Variants in CPNE1 observed in about 807,000 individuals in gnomAD.
The protein encoded by CPNE1 is copine-1.
A neutral mutation model predicts 63.2 loss-of-function variants in CPNE1; 58 were observed. The ratio of observed to expected loss-of-function variants is 0.92; its 90% CI spans 0.74 to 1.14. The LOEUF (loss-of-function observed/expected upper bound fraction) is 1.14. Ranked by LOEUF, CPNE1 falls within the 50% of genes most tolerant of loss-of-function variation. CPNE1 has a pLI of 0.00. For missense variants in CPNE1, 672 were observed against 661.7 expected (o/e 1.02, Z -0.17); for synonymous variants, 237 against 249.0 (o/e 0.95, Z 0.45).
At chr20:35,644,370 C>T (rs1350658237) in intron 1 of CPNE1, among the ~76,000 whole-genome samples, 1 of 152,184 alleles carries the variant, frequency 6.6e-6, no homozygotes, top group Non-Finnish European at 1.5e-5. Context: ...ATTTCTCAAG[C>T]TGCAGTGTAG....
At chr20:35,663,347 T>C (rs970407400) in intron 1 of CPNE1, among the ~76,000 whole-genome samples, 3 of 152,226 alleles carry the variant, frequency 2.0e-5, no homozygotes, top group African/African-American at 7.2e-5. Flanking sequence ...TATACACTAG[T>C]TAACAAGGTC....
Position 35,631,354 on chromosome 20 carries a change from C to A in CPNE1, c.715G>T (p.Ala239Ser). ...TCAGGGTGGATGCATTCAAACTCAG[C>A]CTGGTGAGGACAGAAAAATTAGGGT... ...TSLAQLQAVP[A>S]EFECIHPEKQ... Residue 239 changes from alanine to serine, a missense_variant and splice_region_variant, in exon 9 of 16, where the codon GCT becomes TCT. Physicochemically the swap from Ala to Ser is moderately conservative, Grantham distance 99. Transcript: ENST00000397443. 6.2e-7 allele frequency: 1 copy of A among 1,614,008 alleles called. No individual in the cohort carries two copies. The highest frequency in any genetic ancestry group is 2.2e-5 in the East Asian group (1 of 44,870).
intron 1 of CPNE1, among the ~76,000 whole-genome samples, chr20:35,656,597 C>T (rs1241595731): frequency 2.0e-5 from 3 of 152,194 alleles, no homozygotes; most frequent in African/African-American, 7.2e-5. Context: ...TGCAACGGCA[C>T]GATCTCGGTT....
chr20:35,654,225 CA>C (rs770844897), intron 1 of CPNE1: 1 of 1,614,222 alleles, frequency 6.2e-7, no homozygotes, highest in Non-Finnish European at 8.5e-7. Context: ...GTTGAATCAT[CA>C]GCATTCTGTT....
intron 1 of CPNE1, chr20:35,658,835 AC>A (rs1568943439): frequency 1.2e-4 from 77 of 655,980 alleles, no homozygotes; most frequent in South Asian, 2.4e-4. Context: ...ACACACACAC[AC>A]ACAATATAGT....
intron 1 of CPNE1, among the ~76,000 whole-genome samples, chr20:35,660,642 G>C (rs183991694): frequency 6.6e-6 from 1 of 152,340 alleles, no homozygotes; most frequent in East Asian, 1.9e-4. Flanking sequence ...CAATGAGCAA[G>C]AGCATGAAGT....
At position 35,654,516 on chromosome 20, in the gene CPNE1, G is replaced by A. The variant is rs774314755; in HGVS notation, c.-1+10244C>T. On this transcript the variant is annotated intron_variant, in intron 1 of 15. Transcript: ENST00000397443. ...CAAGAAACATAGGATTCAGATTATT[G>A]TTCAAATTCATAGGTGCTCCAGAGC... 8.7e-6 allele frequency: 14 copies of A among 1,614,156 alleles called. No individual in the cohort carries two copies. The East Asian group carries it at 1.6e-4, about 18-fold the overall frequency.
chr20:35,628,346 G>A (rs1236665128), intron 13 of CPNE1, among the ~76,000 whole-genome samples: 2 of 151,662 alleles, frequency 1.3e-5, no homozygotes, highest in East Asian at 1.9e-4. Flanking sequence ...GTTGATGTGT[G>A]TGTGATGAGT....
intron 13 of CPNE1, among the ~76,000 whole-genome samples, chr20:35,629,931 G>A (rs933174402): frequency 1.3e-5 from 2 of 152,158 alleles, no homozygotes; most frequent in African/African-American, 4.8e-5. Flanking sequence ...CTGAGTGCTA[G>A]GATTACGGGC....
chr20:35,631,484 G>A lies in CPNE1; in HGVS notation c.714+8C>T. On this transcript the variant is annotated splice_region_variant and intron_variant, in intron 8 of 15. Transcript: ENST00000397443. ...CATTTCCACACCCCTGGCAAGACCA[G>A]CACTCACCGGGACTGCCTGCAGCTG... The A allele has an allele frequency of 6.2e-7, 1 of 1,613,390 alleles. No individual in the cohort carries two copies. Among genetic ancestry groups the A allele is most frequent in the Non-Finnish European group, 8.5e-7 (1 of 1,179,442 alleles).
In CPNE1 at chr20:35,632,209, T is replaced by C. The variant is rs150959550; in HGVS notation, c.410A>G (p.Asn137Ser). 8.5e-5 allele frequency: 137 copies of C among 1,614,002 alleles called. 1 individual carries two copies. The highest frequency in any genetic ancestry group is 9.8e-5 in the Non-Finnish European group (116 of 1,180,022). Residue 137 changes from asparagine (N) to serine (S), a missense_variant, in exon 5 of 16, where the codon AAT (asparagine) becomes AGT (serine). Transcript: ENST00000397443. ...ITVSAQELKDNRVVTMEVEAR... is the reference protein window; with the variant it reads ...ITVSAQELKDSRVVTMEVEAR... Reference sequence around the variant, plus strand: ...CTCTACCTCCATGGTTACTACACGATTGTCCTTTAATTCCTGAGCTGAGAC... The same window carrying C: ...CTCTACCTCCATGGTTACTACACGACTGTCCTTTAATTCCTGAGCTGAGAC...
At chr20:35,639,568 T>C (rs1335404859) in intron 1 of CPNE1, among the ~76,000 whole-genome samples, 2 of 152,214 alleles carry the variant, frequency 1.3e-5, no homozygotes, top group Admixed American at 6.5e-5. Flanking sequence ...ACTCCTGACC[T>C]GAGGTGATCC....
At chr20:35,659,138 CAAAAAA>C (rs370328377) in intron 1 of CPNE1, 5 of 271,532 alleles carry the variant, frequency 1.8e-5, no homozygotes, top group African/African-American at 2.9e-5. Flanking sequence ...GAATGCATAT[CAAAAAA>C]AAAAAAAAAA....
chr20:35,639,065 T>C (rs2146303278), intron 1 of CPNE1, among the ~76,000 whole-genome samples: 1 of 149,578 alleles, frequency 6.7e-6, no homozygotes, highest in Admixed American at 6.7e-5. Flanking sequence ...GAACACTGAG[T>C]GTACACATCT....
rs1203331456 is a variant in CPNE1 at position 35,631,123 on chromosome 20, G to T, written c.852C>A (p.Ile284=). ...TGGTAAAGTAACTTACAGTGAAGTT[G>T]ATCTGACAGCCTCCCATCACATAGT... ...FLDYVMGGCQ[I]NFTVGVDFTG... The change falls in exon 10 of 16, where the codon ATC becomes ATA. Residue 284 remains isoleucine, a synonymous_variant. Transcript: ENST00000397443. 3 of 1,614,140 alleles carry T rather than the reference G, an allele frequency of 1.9e-6. No homozygotes were observed. The highest frequency in any genetic ancestry group is 1.7e-5 in the Admixed American group (1 of 60,022).
At chr20:35,653,324 G>A (rs755749928) in intron 1 of CPNE1, 1 of 1,613,834 alleles carries the variant, frequency 6.2e-7, no homozygotes. Flanking sequence ...GCACCGGGAA[G>A]TCCTGCACTG....
intron 1 of CPNE1, chr20:35,652,797 A>G: frequency 6.2e-7 from 1 of 1,608,644 alleles, no homozygotes; most frequent in Non-Finnish European, 8.5e-7. Flanking sequence ...AGCCAGGGGG[A>G]CCACCAATAT....
At position 35,632,232 on chromosome 20, in the gene CPNE1, G is replaced by C; in HGVS notation, c.387C>G (p.Val129=). ...GKPAGRGTIT[V]SAQELKDNRV... is the part of the protein sequence containing the mutation. ...GATTGTCCTTTAATTCCTGAGCTGAGACCTAGGTAGGGGAGACTACATCAC... is the reference window on the plus strand; with the variant it reads ...GATTGTCCTTTAATTCCTGAGCTGACACCTAGGTAGGGGAGACTACATCAC... Residue 129 remains valine, a splice_region_variant and synonymous_variant, in exon 5 of 16, where the codon GTC becomes GTG. Transcript: ENST00000397443. 2 of 1,614,016 alleles carry C rather than the reference G, an allele frequency of 1.2e-6. No individual in the cohort carries two copies. The highest frequency in any genetic ancestry group is 2.2e-5 in the South Asian group (2 of 91,070).
chr20:35,632,514 T>C lies in CPNE1; in HGVS notation c.309+3A>G, dbSNP rs771344798. 12 of 1,613,182 alleles carry C rather than the reference T, an allele frequency of 7.4e-6. No individual in the cohort carries two copies. The highest frequency in any genetic ancestry group is 1.0e-5 in the Non-Finnish European group (12 of 1,179,312). On this transcript the variant is annotated splice_donor_region_variant and intron_variant, in intron 3 of 15. Transcript: ENST00000397443. Reference sequence around the variant, plus strand: ...AAGGATCCTAATCCCCAGCCCTACATACCTGTCCTAGGGAACACTCAGCAC... The same window carrying C: ...AAGGATCCTAATCCCCAGCCCTACACACCTGTCCTAGGGAACACTCAGCAC...
Sources: gnomAD v4.1 joint callset for allele counts (sites outside exome capture counted in the v4.1 genomes callset) on GRCh38, gnomAD v4.1.1 for gene constraint, MANE v1.5 for transcripts, NCBI Gene and HGNC (gene_info 2026-07-23, HGNC 2026-07-21) for gene names.